The following UAP1 variants were observed in gnomAD, a reference collection of about 807,000 sequenced individuals.
UAP1 encodes the protein UDP-N-acetylglucosamine pyrophosphorylase 1, also known as UDP-N-acetylhexosamine pyrophosphorylase.
UAP1 carries 25 observed loss-of-function variants against 58.5 expected under a neutral mutation model. The ratio of observed to expected loss-of-function variants is 0.43; its 90% CI spans 0.31 to 0.60. The LOEUF (loss-of-function observed/expected upper bound fraction) is 0.60. Ranked by LOEUF, UAP1 falls within the 20% of genes least tolerant of loss-of-function variation. The probability of loss-of-function intolerance (pLI) is 0.11; values close to 1 mark genes in which losing one functional copy is unlikely to be tolerated. For missense variants in UAP1, 575 were observed against 630.0 expected (o/e 0.91, Z 0.93); for synonymous variants, 208 against 213.0 (o/e 0.98, Z 0.21).
chr1:162,568,517 C>T (rs931544070), intron 2 of UAP1, among the ~76,000 whole-genome samples: 3 of 152,234 alleles, frequency 2.0e-5, no homozygotes, highest in African/African-American at 4.8e-5. Flanking sequence ...ATAATTGGAT[C>T]TTCTTCAAGG....
chr1:162,587,504 A>T (rs1654968570), exon 6 of UAP1: 1 of 1,613,838 alleles, frequency 6.2e-7, no homozygotes, highest in African/African-American at 1.3e-5. Flanking sequence ...CTACAGAACC[A>T]GTTGGAGTGG....
intron 5 of UAP1, among the ~76,000 whole-genome samples, chr1:162,584,186 A>G (rs1654775019): frequency 6.6e-6 from 1 of 152,244 alleles, no homozygotes; most frequent in South Asian, 2.1e-4. Context: ...TGGGCTCTGT[A>G]GGATAAATCC....
Sources: gnomAD v4.1 joint callset for allele counts (sites outside exome capture counted in the v4.1 genomes callset) on GRCh38, gnomAD v4.1.1 for gene constraint, MANE v1.5 for transcripts, NCBI Gene and HGNC (gene_info 2026-07-23, HGNC 2026-07-21) for gene names.